Variants in BBX observed in about 807,000 individuals in gnomAD.
BBX encodes BBX high mobility group box domain containing, also known as HMG box transcription factor BBX.
BBX carries 30 observed loss-of-function variants against 100.2 expected under a neutral mutation model. That is an observed-to-expected ratio of 0.30 (90% CI 0.22 to 0.41). The LOEUF is 0.41. Ranked by LOEUF, BBX falls within the 10% of genes least tolerant of loss-of-function variation. The probability of loss-of-function intolerance (pLI) is 1.00; values close to 1 mark genes in which losing one functional copy is unlikely to be tolerated. For synonymous variants in BBX, 376 were observed against 388.1 expected (o/e 0.97, Z 0.37); for missense variants, 1,023 against 1,129.8 (o/e 0.91, Z 1.35).
At chr3:107,551,199 A>G (rs559796943) in intron 2 of BBX, among the ~76,000 whole-genome samples, 2 of 152,350 alleles carry the variant, frequency 1.3e-5, no homozygotes, top group East Asian at 3.9e-4. Flanking sequence ...TGTTATACAT[A>G]CTCACATACA....
chr3:107,713,967 CTTTTTTTTTTTTTTTT>C lies in BBX; in HGVS notation c.163-2629_163-2614del, dbSNP rs569427270. 3.6e-5 allele frequency among the ~76,000 whole-genome samples: 3 copies of C among 82,282 alleles called. No individual in the cohort carries two copies. The East Asian group carries it at 1.0e-3, about 27-fold the overall frequency. 54.0% of individuals were successfully genotyped at this position (82,282 alleles called of 152,430 possible). A position where few individuals can be genotyped will look rare whatever the true frequency, so the allele number is the denominator to read the frequency against. On this transcript the variant is annotated intron_variant, in intron 4 of 17. Transcript: ENST00000325805. ...TTTTAATTTTTTTAATAATTTTTTT[CTTTTTTTTTTTTTTTT>C]TTTTTTTTTTGAGACAGAGTCTTGC...
intron 2 of BBX, among the ~76,000 whole-genome samples, chr3:107,620,423 C>T (rs1182193925): frequency 6.6e-6 from 1 of 152,134 alleles, no homozygotes; most frequent in Admixed American, 6.6e-5. Flanking sequence ...TTGAGATGTT[C>T]TTGGCTTTGG....
intron 2 of BBX, among the ~76,000 whole-genome samples, chr3:107,584,090 A>G (rs1203038141): frequency 1.0e-4 from 1 of 9,890 alleles, no homozygotes; most frequent in African/African-American, 5.1e-4. Flanking sequence ...TATATATATC[A>G]TATATTATAT....
intron 3 of BBX, among the ~76,000 whole-genome samples, chr3:107,673,692 C>A (rs1243463962): frequency 2.6e-5 from 4 of 151,990 alleles, no homozygotes; most frequent in Non-Finnish European, 5.9e-5. Context: ...TATAGTAAGA[C>A]CCACTTCAAG....
intron 7 of BBX, among the ~76,000 whole-genome samples, chr3:107,733,677 A>G (rs1448083853): frequency 6.6e-6 from 1 of 151,970 alleles, no homozygotes; most frequent in Non-Finnish European, 1.5e-5. Flanking sequence ...GGGTTTTGCC[A>G]TGTTGCTCAG....
intron 6 of BBX, among the ~76,000 whole-genome samples, chr3:107,730,752 T>A (rs2063268493): frequency 1.3e-5 from 2 of 152,200 alleles, no homozygotes; most frequent in Admixed American, 1.3e-4. Flanking sequence ...ATGTAATGGC[T>A]TGGGTTATAT....
intron 2 of BBX, among the ~76,000 whole-genome samples, chr3:107,534,850 G>C (rs913337563): frequency 6.6e-6 from 1 of 152,176 alleles, no homozygotes; most frequent in Admixed American, 6.5e-5. Flanking sequence ...GTTTTAGGTT[G>C]ATAGAATGAC....
chr3:107,713,665 A>G (rs949377872), intron 4 of BBX, among the ~76,000 whole-genome samples: 9 of 152,224 alleles, frequency 5.9e-5, no homozygotes, highest in African/African-American at 1.7e-4. Flanking sequence ...GTGTCAAATC[A>G]AATGTTTTTA....
chr3:107,572,305 T>C (rs1293293045), intron 2 of BBX, among the ~76,000 whole-genome samples: 1 of 152,212 alleles, frequency 6.6e-6, no homozygotes, highest in Non-Finnish European at 1.5e-5. Context: ...TGACAATCAT[T>C]TATTTTTTTT....
At chr3:107,608,334 C>G (rs1374353223) in intron 2 of BBX, among the ~76,000 whole-genome samples, 1 of 152,000 alleles carries the variant, frequency 6.6e-6, no homozygotes, top group Non-Finnish European at 1.5e-5. Context: ...CTGTCCTTTC[C>G]CCAGTGTATG....
intron 9 of BBX, among the ~76,000 whole-genome samples, chr3:107,754,930 G>C (rs2065357570): frequency 6.6e-6 from 1 of 152,134 alleles, no homozygotes; most frequent in African/African-American, 2.4e-5. Flanking sequence ...TCAATGCCCA[G>C]CCACTTTTTA....
chr3:107,730,163 G>T (rs1197072264), intron 6 of BBX, among the ~76,000 whole-genome samples: 2 of 152,150 alleles, frequency 1.3e-5, no homozygotes, highest in African/African-American at 4.8e-5. Context: ...GTGGGTGTCT[G>T]TAGTGTAATT....
At chr3:107,666,954 A>G (rs1167805561) in intron 3 of BBX, among the ~76,000 whole-genome samples, 4 of 152,192 alleles carry the variant, frequency 2.6e-5, no homozygotes, top group African/African-American at 4.8e-5. Flanking sequence ...CTCAAGATTC[A>G]CTGGGCTATA....
At position 107,716,934 on chromosome 3, in the gene BBX, A is replaced by G. The variant is rs1280508527; in HGVS notation, c.405+85A>G. On this transcript the variant is annotated intron_variant, in intron 5 of 17. Coordinates refer to ENST00000325805, the MANE Select transcript of BBX (RefSeq NM_001142568.3). ...TCAACAAATATGAAGCACCTGTTGA[A>G]GGTCTAGCAATGAGAAGGTGAATCA... The G allele has an allele frequency of 4.7e-6, 7 of 1,475,500 alleles. No individual in the cohort carries two copies. In the African/African-American group the frequency reaches 9.9e-5, roughly 21 times the overall value. The allele number at this position is 1,475,500 out of a possible 1,614,324, so 91.4% of individuals were successfully genotyped here.
In BBX at chr3:107,753,405, AC is replaced by A. The variant is rs200262108; in HGVS notation, c.826-2192del. On this transcript the variant is annotated intron_variant, in intron 9 of 17. Coordinates refer to ENST00000325805, the MANE Select transcript of BBX (RefSeq NM_001142568.3). ...TAAAATATGTTGAACCTCCCCCCAC[AC>A]ATGCCCTTTTGGGAATCAGGCTTCC... is the stretch of plus-strand genomic sequence containing the variant. Among the ~76,000 whole-genome samples, 1,085 of 152,266 alleles carry A rather than the reference AC, an allele frequency of 7.1e-3. 10 individuals are homozygous for A. Among genetic ancestry groups the A allele is most frequent in the African/African-American group, 0.024 (995 of 41,556 alleles).
intron 2 of BBX, among the ~76,000 whole-genome samples, chr3:107,582,186 A>G (rs1219655535): frequency 6.6e-6 from 1 of 151,962 alleles, no homozygotes; most frequent in African/African-American, 2.4e-5. Flanking sequence ...TTCTATAGGT[A>G]GCAAATATTA....
At chr3:107,595,832 T>G (rs969732981) in intron 2 of BBX, among the ~76,000 whole-genome samples, 3 of 152,200 alleles carry the variant, frequency 2.0e-5, no homozygotes, top group African/African-American at 7.2e-5. Flanking sequence ...CCCTGCACAG[T>G]TAAAAGTCTG....
At chr3:107,794,737 G>C (rs551958455) in intron 15 of BBX, among the ~76,000 whole-genome samples, 1 of 152,296 alleles carries the variant, frequency 6.6e-6, no homozygotes, top group Non-Finnish European at 1.5e-5. Context: ...TTAGATTCCA[G>C]ATCTGGCTAT....
intron 13 of BBX, among the ~76,000 whole-genome samples, chr3:107,787,144 A>G (rs1352721605): frequency 6.6e-6 from 1 of 152,204 alleles, no homozygotes; most frequent in Non-Finnish European, 1.5e-5. Flanking sequence ...ACAGATAATA[A>G]CAAATGTTGA....
Sources: allele counts gnomAD v4.1 joint callset (sites outside exome capture counted in the v4.1 genomes callset), GRCh38; gene constraint gnomAD v4.1.1; transcripts MANE v1.5; gene names NCBI Gene and HGNC (gene_info 2026-07-23, HGNC 2026-07-21).